BMPER: variants seen among roughly 807,000 people sequenced by gnomAD.
BMPER encodes the protein BMP-binding endothelial regulator protein.
In BMPER, 45 loss-of-function variants were observed where a neutral mutation model predicts 87.3. The observed-to-expected ratio is 0.52, with a 90% CI of 0.41 to 0.66. The LOEUF (loss-of-function observed/expected upper bound fraction) is 0.66. Ranked by LOEUF, BMPER falls within the 30% of genes least tolerant of loss-of-function variation. The pLI is 0.00. For synonymous variants in BMPER, 326 were observed against 316.2 expected, an observed-to-expected ratio of 1.03 and a Z score of -0.33; for missense variants, 784 against 867.5, an observed-to-expected ratio of 0.90 and a Z score of 1.21.
intron 13 of BMPER, among the ~76,000 whole-genome samples, chr7:34,121,040 ATAAAT>A (rs1412780994): frequency 1.3e-5 from 2 of 150,888 alleles, no homozygotes; most frequent in African/African-American, 2.4e-5. Flanking sequence ...ATTTAATTAC[ATAAAT>A]TAAGTTTATA....
intron 6 of BMPER, among the ~76,000 whole-genome samples, chr7:34,007,396 C>T (rs1026596016): frequency 1.3e-5 from 2 of 152,012 alleles, no homozygotes; most frequent in African/African-American, 4.8e-5. Flanking sequence ...GGTGAAAATA[C>T]AGGCTTCTAC....
chr7:34,089,738 C>T (rs754021329), intron 13 of BMPER, among the ~76,000 whole-genome samples: 1 of 152,154 alleles, frequency 6.6e-6, no homozygotes, highest in Admixed American at 6.5e-5. Flanking sequence ...CCTGCCTCAG[C>T]CTCCCAAAGT....
chr7:33,926,208 C>T (rs1271845836), intron 2 of BMPER, among the ~76,000 whole-genome samples: 2 of 152,252 alleles, frequency 1.3e-5, no homozygotes, highest in East Asian at 1.9e-4. Context: ...TAAACAGATT[C>T]GTGTATTTTT....
intron 3 of BMPER, among the ~76,000 whole-genome samples, chr7:33,947,671 T>G (rs910986621): frequency 1.3e-5 from 2 of 152,200 alleles, no homozygotes; most frequent in Non-Finnish European, 2.9e-5. Context: ...AAAACATGCA[T>G]TGTGAAATTT....
At chr7:34,086,426 T>C (rs77776436) in intron 13 of BMPER, among the ~76,000 whole-genome samples, 6,555 of 152,308 alleles carry the variant, frequency 0.043, 215 homozygotes, top group Non-Finnish European at 0.067. Flanking sequence ...AATTCTGGCC[T>C]AAACCACAGT....
intron 6 of BMPER, among the ~76,000 whole-genome samples, chr7:34,017,113 T>G (rs1221214768): frequency 1.3e-5 from 2 of 152,028 alleles, no homozygotes; most frequent in East Asian, 3.9e-4. Context: ...ATGCTGGTTC[T>G]GTAGAGTGAG....
intron 3 of BMPER, among the ~76,000 whole-genome samples, chr7:33,945,010 T>C (rs1229514274): frequency 3.3e-5 from 5 of 152,176 alleles, no homozygotes; most frequent in East Asian, 1.9e-4. Flanking sequence ...GGCACGATCT[T>C]GGCTCACTGC....
intron 6 of BMPER, among the ~76,000 whole-genome samples, chr7:33,996,181 A>T (rs1786405828): frequency 6.6e-6 from 1 of 152,202 alleles, no homozygotes; most frequent in South Asian, 2.1e-4. Context: ...TCGCTTTAGT[A>T]AAACTGTAGG....
intron 2 of BMPER, among the ~76,000 whole-genome samples, chr7:33,908,383 C>T (rs1472422859): frequency 2.6e-5 from 4 of 152,104 alleles, no homozygotes; most frequent in Non-Finnish European, 5.9e-5. Context: ...ATCAAGCTTA[C>T]GTATGTAGTT....
chr7:34,152,742 AG>A (rs1791209448), intron 14 of BMPER, among the ~76,000 whole-genome samples: 1 of 152,174 alleles, frequency 6.6e-6, no homozygotes, highest in East Asian at 1.9e-4. Flanking sequence ...ACAGCTCAAT[AG>A]CTGAAAGGAC....
intron 6 of BMPER, among the ~76,000 whole-genome samples, chr7:33,989,629 A>G (rs1285440332): frequency 6.6e-6 from 1 of 152,080 alleles, no homozygotes; most frequent in South Asian, 2.1e-4. Flanking sequence ...ATTAGATCCC[A>G]TTTGTCAATT....
intron 6 of BMPER, among the ~76,000 whole-genome samples, chr7:34,028,599 C>CTG: frequency 8.5e-5 from 1 of 11,730 alleles, no homozygotes; most frequent in Non-Finnish European, 2.0e-4. Context: ...ATCATTTTTT[C>CTG]TGTTTTTTTT....
At chr7:34,097,915 T>G (rs1585831459) in intron 13 of BMPER, among the ~76,000 whole-genome samples, 1 of 152,172 alleles carries the variant, frequency 6.6e-6, no homozygotes, top group Non-Finnish European at 1.5e-5. Context: ...GAGCTAATCT[T>G]ATGCACACCT....
At chr7:34,146,468 A>C (rs954207172) in intron 14 of BMPER, among the ~76,000 whole-genome samples, 3 of 152,212 alleles carry the variant, frequency 2.0e-5, no homozygotes, top group African/African-American at 7.2e-5. Context: ...ATAAAATGTA[A>C]TATGCTAAGG....
intron 6 of BMPER, among the ~76,000 whole-genome samples, chr7:33,993,933 G>C (rs1029169953): frequency 6.6e-6 from 1 of 152,190 alleles, no homozygotes; most frequent in Non-Finnish European, 1.5e-5. Context: ...AGGCTGCTCG[G>C]GGGTCAGGGG....
At chr7:33,997,227 A>G (rs1786438702) in intron 6 of BMPER, among the ~76,000 whole-genome samples, 1 of 152,114 alleles carries the variant, frequency 6.6e-6, no homozygotes, top group Non-Finnish European at 1.5e-5. Context: ...TAATGGCATC[A>G]TCTATTATTT....
intron 6 of BMPER, among the ~76,000 whole-genome samples, chr7:34,040,189 TCTCTAAAC>T (rs1787798633): frequency 3.9e-5 from 6 of 152,074 alleles, no homozygotes; most frequent in Admixed American, 3.3e-4. Context: ...TGTTGGAAAA[TCTCTAAAC>T]TGGGTTCAGT....
At chr7:33,964,142 CAT>C (rs373295070) in intron 3 of BMPER, among the ~76,000 whole-genome samples, 25 of 152,260 alleles carry the variant, frequency 1.6e-4, no homozygotes, top group East Asian at 1.2e-3. Flanking sequence ...ATTAAAATAA[CAT>C]GTGTATCTTA....
chr7:33,928,979 T>C (rs1320654477), intron 2 of BMPER, among the ~76,000 whole-genome samples: 1 of 152,192 alleles, frequency 6.6e-6, no homozygotes, highest in Non-Finnish European at 1.5e-5. Context: ...CCTTTTTCTT[T>C]AATCTCCCTC....
Sources: gnomAD v4.1 joint callset for allele counts (sites outside exome capture counted in the v4.1 genomes callset) on GRCh38, gnomAD v4.1.1 for gene constraint, MANE v1.5 for transcripts, NCBI Gene and HGNC (gene_info 2026-07-23, HGNC 2026-07-21) for gene names.